Variants in SEMA3A observed in about 807,000 individuals in gnomAD.
SEMA3A encodes the protein semaphorin-3A.
SEMA3A carries 29 observed loss-of-function variants against 97.9 expected under a neutral mutation model. That is an observed-to-expected ratio of 0.30 (90% CI 0.22 to 0.40). The LOEUF is 0.40. Among genes scored for constraint, SEMA3A ranks in the 10% least tolerant of loss-of-function variants. SEMA3A has a pLI of 1.00. For synonymous variants in SEMA3A, 321 were observed against 323.7 expected (o/e 0.99, Z 0.09); for missense variants, 763 against 951.3 (o/e 0.80, Z 2.60).
At chr7:84,463,295 C>A (rs538949415) in intron 1 of SEMA3A, among the ~76,000 whole-genome samples, 43 of 125,582 alleles carry the variant, frequency 3.4e-4, no homozygotes, top group Non-Finnish European at 5.5e-4. Context: ...GTCACACAGG[C>A]TGGAGTGCAG....
At chr7:84,461,059 C>T (rs887666397) in intron 1 of SEMA3A, among the ~76,000 whole-genome samples, 1 of 151,740 alleles carries the variant, frequency 6.6e-6, no homozygotes, top group South Asian at 2.1e-4. Flanking sequence ...TTTATCAGCC[C>T]AAATAGAAGC....
intron 3 of SEMA3A, among the ~76,000 whole-genome samples, chr7:84,243,807 G>A (rs1316444897): frequency 2.0e-5 from 3 of 151,994 alleles, no homozygotes; most frequent in South Asian, 4.2e-4. Context: ...TGTCTTTGTT[G>A]TCATTGGTTT....
chr7:84,355,860 T>A (rs1222010774), intron 2 of SEMA3A, among the ~76,000 whole-genome samples: 1 of 151,904 alleles, frequency 6.6e-6, no homozygotes, highest in East Asian at 1.9e-4. Flanking sequence ...AGAATGTAAT[T>A]TCTTAACACA....
intron 6 of SEMA3A, among the ~76,000 whole-genome samples, chr7:84,015,084 C>A (rs537388403): frequency 6.6e-5 from 10 of 152,292 alleles, no homozygotes; most frequent in African/African-American, 2.2e-4. Context: ...CCAGAATGAA[C>A]CTCCGCTCTC....
chr7:84,033,004 CT>C (rs1791814641), intron 6 of SEMA3A, among the ~76,000 whole-genome samples: 1 of 151,810 alleles, frequency 6.6e-6, no homozygotes, highest in South Asian at 2.1e-4. Context: ...CCTTGTTTTT[CT>C]TTACTGAGAG....
intron 3 of SEMA3A, among the ~76,000 whole-genome samples, chr7:84,251,334 G>GGAATTCCAGGA (rs1364218434): frequency 1.3e-5 from 2 of 152,164 alleles, no homozygotes; most frequent in African/African-American, 4.8e-5. Flanking sequence ...TTCCGATTGA[G>GGAATTCCAGGA]GAATTCCAGG....
At chr7:84,210,645 C>T (rs372951688) in intron 3 of SEMA3A, among the ~76,000 whole-genome samples, 5 of 152,024 alleles carry the variant, frequency 3.3e-5, no homozygotes, top group Non-Finnish European at 5.9e-5. Flanking sequence ...TTTTAGAAAA[C>T]GGAATATGGT....
intron 11 of SEMA3A, 137 bp from the exon 12 acceptor site, chr7:84,002,183 C>G: frequency 1.8e-6 from 1 of 568,610 alleles, no homozygotes; most frequent in South Asian, 2.5e-5. Context: ...TTGGTCAAAA[C>G]ATGAGTAAAA....
At chr7:84,288,381 G>A (rs942912661) in intron 3 of SEMA3A, among the ~76,000 whole-genome samples, 1 of 152,064 alleles carries the variant, frequency 6.6e-6, no homozygotes, top group African/African-American at 2.4e-5. Context: ...AAATAGTCAG[G>A]ACATAAGATA....
chr7:84,443,594 A>T (rs1274320289), intron 1 of SEMA3A, among the ~76,000 whole-genome samples: 1 of 152,176 alleles, frequency 6.6e-6, no homozygotes, highest in Non-Finnish European at 1.5e-5. Context: ...CTCTCACGAA[A>T]TTGCTCTTCT....
intron 2 of SEMA3A, among the ~76,000 whole-genome samples, chr7:84,129,449 A>G (rs1246039885): frequency 1.3e-5 from 2 of 152,190 alleles, no homozygotes; most frequent in South Asian, 2.1e-4. Context: ...AGATCTAAGC[A>G]GTGTAGTATG....
In SEMA3A at chr7:84,289,036, T is replaced by TA. The variant is rs77590662; in HGVS notation, c.-83+18170dup. 5.6e-3 allele frequency among the ~76,000 whole-genome samples: 847 copies of TA among 151,510 alleles called. 37 individuals are homozygous for TA. The East Asian group carries it at 0.1, about 19-fold the overall frequency. On this transcript the variant is annotated intron_variant, in intron 3 of 3. Transcript: ENST00000424555. ...ATCCAGTGAAGTACTATTCAGCTGT[T>TA]AAAAAAAAATATAATCTTCTCATTT...
intron 3 of SEMA3A, among the ~76,000 whole-genome samples, chr7:84,115,186 T>C (rs1185163341): frequency 1.3e-5 from 2 of 152,092 alleles, no homozygotes; most frequent in Non-Finnish European, 2.9e-5. Flanking sequence ...TTCATAATAA[T>C]TGAACTATAT....
chr7:84,198,485 A>C (rs1010444685), upstream of SEMA3A, among the ~76,000 whole-genome samples: 31 of 152,200 alleles, frequency 2.0e-4, no homozygotes, highest in African/African-American at 6.5e-4. Context: ...TACAGGCATG[A>C]GCCACTGTGC....
rs797821 is a variant in SEMA3A, at chr7:83,961,536, T to C, written c.2151A>G (p.Thr717=). 999,307 of 1,613,714 alleles carry C rather than the reference T, an allele frequency of 0.62. 311,094 individuals are homozygous for C. The highest frequency in any genetic ancestry group is 0.67 in the East Asian group (30,081 of 44,856). The change falls in exon 17 of 17, where the codon ACA becomes ACG. Residue 717 remains threonine, a synonymous_variant. Coordinates refer to ENST00000265362, the MANE Select transcript of SEMA3A (RefSeq NM_006080.3). ...AAACTTGTTCACAGAACTCATCCAT[T>C]GTGTTGAGATTGGGGTGGTTGATGA... ...MQLINHPNLN[T]MDEFCEQVWK...
intron 5 of SEMA3A, among the ~76,000 whole-genome samples, chr7:84,051,841 G>A (rs1792670893): frequency 6.6e-6 from 1 of 151,642 alleles, no homozygotes; most frequent in Admixed American, 6.6e-5. Flanking sequence ...GATATTGGCT[G>A]TGGGTTTGTC....
intron 1 of SEMA3A, among the ~76,000 whole-genome samples, chr7:84,174,867 T>A (rs1338150084): frequency 6.6e-6 from 1 of 152,178 alleles, no homozygotes; most frequent in Non-Finnish European, 1.5e-5. Flanking sequence ...AGAAAAAAAA[T>A]TCTTGTTAAA....
At chr7:84,351,759 A>T (rs1802443400) in intron 2 of SEMA3A, among the ~76,000 whole-genome samples, 1 of 152,080 alleles carries the variant, frequency 6.6e-6, no homozygotes, top group African/African-American at 2.4e-5. Context: ...ACCCTTGTAC[A>T]CTGTTGGTGG....
At chr7:84,074,197 T>C (rs1793855095) in intron 4 of SEMA3A, among the ~76,000 whole-genome samples, 1 of 152,152 alleles carries the variant, frequency 6.6e-6, no homozygotes, top group Non-Finnish European at 1.5e-5. Context: ...TCAAACTGCT[T>C]AAACTTGGTT....
Sources: gnomAD v4.1 joint callset for allele counts (sites outside exome capture counted in the v4.1 genomes callset) on GRCh38, gnomAD v4.1.1 for gene constraint, MANE v1.5 for transcripts, NCBI Gene and HGNC (gene_info 2026-07-23, HGNC 2026-07-21) for gene names.